Variants in SLC8A1 observed in about 807,000 individuals in gnomAD.
SLC8A1 encodes the protein sodium/calcium exchanger 1.
SLC8A1 carries 18 observed loss-of-function variants against 68.3 expected under a neutral mutation model. The ratio of observed to expected loss-of-function variants is 0.26; its 90% CI spans 0.18 to 0.39. SLC8A1 has a LOEUF of 0.39. Ranked by LOEUF, SLC8A1 falls within the 10% of genes least tolerant of loss-of-function variation. The pLI is 1.00. For synonymous variants in SLC8A1, 475 were observed against 415.5 expected (o/e 1.14, Z -1.74); for missense variants, 985 against 1,156.7 (o/e 0.85, Z 2.15).
intron 2 of SLC8A1, among the ~76,000 whole-genome samples, chr2:40,249,478 C>A (rs978960898): frequency 6.6e-6 from 1 of 152,112 alleles, no homozygotes; most frequent in African/African-American, 2.4e-5. Flanking sequence ...TTTTCATAAC[C>A]CTTAGTGCTT....
intron 1 of SLC8A1, among the ~76,000 whole-genome samples, chr2:40,486,830 G>A (rs772021919): frequency 2.0e-5 from 3 of 149,478 alleles, no homozygotes; most frequent in Non-Finnish European, 4.4e-5. Flanking sequence ...CTGTTAACTC[G>A]TCATTTACAT....
chr2:40,382,485 T>G (rs930307642), intron 2 of SLC8A1, among the ~76,000 whole-genome samples: 1 of 152,146 alleles, frequency 6.6e-6, no homozygotes, highest in African/African-American at 2.4e-5. Flanking sequence ...AAAATATGAG[T>G]GTTTTAAAAC....
intron 2 of SLC8A1, among the ~76,000 whole-genome samples, chr2:40,343,974 T>C (rs746137296): frequency 2.0e-5 from 3 of 152,112 alleles, no homozygotes; most frequent in Non-Finnish European, 2.9e-5. Flanking sequence ...CCGCATCAGG[T>C]ACAGGGATAG....
chr2:40,213,150 T>C (rs2056903564), intron 2 of SLC8A1: 1 of 152,216 alleles, frequency 6.6e-6, no homozygotes, highest in Admixed American at 6.5e-5. Flanking sequence ...TGATCACACA[T>C]TTCATGTCAA....
intron 2 of SLC8A1, among the ~76,000 whole-genome samples, chr2:40,400,329 T>G (rs1356375313): frequency 1.3e-5 from 2 of 151,950 alleles, no homozygotes; most frequent in Non-Finnish European, 2.9e-5. Flanking sequence ...CAAAAGATCC[T>G]AGAACCGAAA....
intron 2 of SLC8A1, among the ~76,000 whole-genome samples, chr2:40,211,339 T>G (rs2056550242): frequency 1.3e-5 from 2 of 152,238 alleles, no homozygotes; most frequent in Admixed American, 1.3e-4. Flanking sequence ...TTTGTCTTTT[T>G]GAGAAGCCAG....
intron 2 of SLC8A1, among the ~76,000 whole-genome samples, chr2:40,396,179 G>A (rs545681572): frequency 6.6e-6 from 1 of 152,268 alleles, no homozygotes; most frequent in East Asian, 1.9e-4. Context: ...GTCTCTAAGA[G>A]AAAATGTGAG....
At chr2:40,208,774 C>A (rs563927605) in intron 2 of SLC8A1, among the ~76,000 whole-genome samples, 1 of 152,162 alleles carries the variant, frequency 6.6e-6, no homozygotes, top group South Asian at 2.1e-4. Context: ...AACCAGAGGG[C>A]AATTAGTGTC....
At chr2:40,428,966 T>A (rs373167067) in exon 2 of SLC8A1, 1 of 1,613,650 alleles carries the variant, frequency 6.2e-7, no homozygotes, top group African/African-American at 1.3e-5. Context: ...ACAAACACAG[T>A]GTTAGTCAAA....
intron 2 of SLC8A1, among the ~76,000 whole-genome samples, chr2:40,233,075 T>C (rs1213290137): frequency 6.6e-6 from 1 of 152,158 alleles, no homozygotes; most frequent in East Asian, 1.9e-4. Flanking sequence ...GCATGTGTCT[T>C]TATAGCAGCA....
chr2:40,257,621 T>G (rs1444346816), intron 2 of SLC8A1, among the ~76,000 whole-genome samples: 1 of 152,236 alleles, frequency 6.6e-6, no homozygotes, highest in Non-Finnish European at 1.5e-5. Flanking sequence ...AATCTAGTCT[T>G]TACTGGAGTT....
intron 2 of SLC8A1, among the ~76,000 whole-genome samples, chr2:40,313,092 T>C (rs553529551): frequency 5.9e-5 from 9 of 152,234 alleles, no homozygotes; most frequent in African/African-American, 2.2e-4. Flanking sequence ...AGTTCTCTTC[T>C]CTAGCTATTC....
intron 1 of SLC8A1, among the ~76,000 whole-genome samples, chr2:40,509,930 C>T (rs1205040007): frequency 6.6e-6 from 1 of 151,958 alleles, no homozygotes; most frequent in Non-Finnish European, 1.5e-5. Flanking sequence ...CAGGTTCAAG[C>T]GATTCTCCTG....
intron 1 of SLC8A1, among the ~76,000 whole-genome samples, chr2:40,435,725 G>A (rs1389146080): frequency 1.3e-5 from 2 of 152,064 alleles, no homozygotes; most frequent in African/African-American, 4.8e-5. Flanking sequence ...CTCATGAGAT[G>A]CACTGTTGGC....
At chr2:40,490,381 G>A (rs951039774) in intron 1 of SLC8A1, among the ~76,000 whole-genome samples, 1 of 152,010 alleles carries the variant, frequency 6.6e-6, no homozygotes, top group African/African-American at 2.4e-5. Flanking sequence ...AGATCACTTA[G>A]TCCTCATTTC....
chr2:40,165,188 A>C (rs771993440), intron 4 of SLC8A1, among the ~76,000 whole-genome samples: 9 of 152,232 alleles, frequency 5.9e-5, no homozygotes, highest in Non-Finnish European at 1.2e-4. Flanking sequence ...AGTGATTATA[A>C]CATCTCACAA....
At chr2:40,406,263 A>G (rs2149679606) in intron 2 of SLC8A1, among the ~76,000 whole-genome samples, 1 of 152,328 alleles carries the variant, frequency 6.6e-6, no homozygotes, top group South Asian at 2.1e-4. Context: ...TAGGCAGTGT[A>G]AAAATAATAG....
chr2:40,212,395 C>T (rs550803003), intron 2 of SLC8A1, among the ~76,000 whole-genome samples: 64 of 151,002 alleles, frequency 4.2e-4, no homozygotes, highest in African/African-American at 1.4e-3. Context: ...AGCGATTCTC[C>T]TGCCTCAGCC....
intron 2 of SLC8A1, among the ~76,000 whole-genome samples, chr2:40,313,349 A>G (rs562738525): frequency 1.3e-5 from 2 of 152,212 alleles, no homozygotes; most frequent in East Asian, 3.9e-4. Flanking sequence ...TTCACTTGCT[A>G]ATAGATATCT....
Sources: gnomAD v4.1 joint callset for allele counts (sites outside exome capture counted in the v4.1 genomes callset) on GRCh38, gnomAD v4.1.1 for gene constraint, MANE v1.5 for transcripts, NCBI Gene and HGNC (gene_info 2026-07-23, HGNC 2026-07-21) for gene names.